OR56A4: variants seen among roughly 807,000 people sequenced by gnomAD.
The protein encoded by OR56A4 is olfactory receptor 56A4.
Under a neutral mutation model 13.6 loss-of-function variants are expected in OR56A4, and 9 were observed. That is an observed-to-expected ratio of 0.66 (90% CI 0.40 to 1.15). OR56A4 has a LOEUF of 1.15. OR56A4 is among the 50% of genes most tolerant of loss of function. The pLI, the probability that OR56A4 is intolerant of heterozygous loss-of-function variation, is 0.01. For missense variants in OR56A4, 380 were observed against 375.9 expected (o/e 1.01, Z -0.09); for synonymous variants, 167 against 153.9 (o/e 1.08, Z -0.63).
intron 2 of OR56A4, among the ~76,000 whole-genome samples, chr11:6,005,905 T>A (rs994280288): frequency 1.4e-4 from 22 of 152,290 alleles, no homozygotes; most frequent in Admixed American, 1.4e-3. Context: ...ATATGAATTT[T>A]CCGAGGACAC....
At position 6,002,197 on chromosome 11, in the gene OR56A4, G is replaced by T; in HGVS notation, c.796C>A (p.Leu266Met). The T allele has an allele frequency of 6.2e-7, 1 of 1,614,204 alleles. No homozygotes were observed. Among genetic ancestry groups the T allele is most frequent in the South Asian group, 1.1e-5 (1 of 91,070 alleles). ...TVLLVLVITNLARKRIPPDVP... is the reference protein window; with the variant it reads ...TVLLVLVITNMARKRIPPDVP... Reference sequence around the variant, plus strand: ...TCTGGAGGAATTCTCTTCCTGGCCAGGTTAGTGATGACCAGAACCAGCAGG... The same window carrying T: ...TCTGGAGGAATTCTCTTCCTGGCCATGTTAGTGATGACCAGAACCAGCAGG... Residue 266 changes from leucine (L) to methionine (M), a missense_variant, in exon 3 of 3, where the codon CTG (leucine) becomes ATG (methionine). Transcript: ENST00000641156.
chr11:6,000,704 A>C lies in OR56A4; in HGVS notation c.*1347T>G, dbSNP rs1170638592. 1 of 152,210 alleles carries C rather than the reference A, an allele frequency of 6.6e-6. No homozygotes were observed. The highest frequency in any genetic ancestry group is 1.5e-5 in the Non-Finnish European group (1 of 68,040). The allele number at this position is 152,210 out of a possible 1,614,324, so 9.4% of individuals were successfully genotyped here. A position where few individuals can be genotyped will look rare whatever the true frequency, so the allele number is the denominator to read the frequency against. ...AAGAAGGCTGATGTGAGAAGCATCAAATGATTGAAGAGAGAGAGCAAAATG... is the reference window on the plus strand; with the variant it reads ...AAGAAGGCTGATGTGAGAAGCATCACATGATTGAAGAGAGAGAGCAAAATG... On this transcript the variant is annotated 3_prime_UTR_variant, in exon 3 of 3. Transcript: ENST00000641156.
chr11:6,003,064 A>T lies in OR56A4; in HGVS notation c.-36-36T>A, dbSNP rs751003660. ...AGTAGAGAAGTACAGAAACATAAAA[A>T]GTACATTCTAGACGTAGTAGAGTGT... On this transcript the variant is annotated intron_variant, in intron 2 of 2. Coordinates refer to ENST00000641156, the MANE Select transcript of OR56A4 (RefSeq NM_001005179.4). 5 of 1,613,580 alleles carry T rather than the reference A, an allele frequency of 3.1e-6. No individual in the cohort carries two copies. In the South Asian group the frequency reaches 5.5e-5, roughly 18 times the overall value.
rs1848259125 is a variant in OR56A4, at chr11:6,006,348, T to C, written c.-136A>G. ...CTGAGAAATGAAGAATTGTTGACCA[T>C]CTGGGGCATTGTTTTCGATCTTCAG... On this transcript the variant is annotated 5_prime_UTR_variant, in exon 2 of 3. The change abolishes an upstream ATG in the 5' untranslated region. Transcript: ENST00000641156. 1 of 152,244 alleles carries C rather than the reference T, an allele frequency of 6.6e-6. No homozygotes were observed. Among genetic ancestry groups the C allele is most frequent in the African/African-American group, 2.4e-5 (1 of 41,462 alleles). The allele number at this position is 152,244 out of a possible 1,614,324, so 9.4% of individuals were successfully genotyped here.
At position 6,002,249 on chromosome 11, in the gene OR56A4, G is replaced by T. The variant is rs1848219068; in HGVS notation, c.744C>A (p.Phe248Leu). ...AKALSTCGSH[F>L]ILILFFSTVL... is the part of the protein sequence containing the mutation. ...CTGTGCTGAAGAAGAGGATGAGGATGAAGTGGGAACCACACGTGCTCAAGG... is the reference window on the plus strand; with the variant it reads ...CTGTGCTGAAGAAGAGGATGAGGATTAAGTGGGAACCACACGTGCTCAAGG... Residue 248 changes from phenylalanine (F) to leucine (L), a missense_variant, in exon 3 of 3, where the codon TTC becomes TTA. Phe to Leu is a conservative substitution (Grantham distance 22). Transcript: ENST00000641156. 6.2e-7 allele frequency: 1 copy of T among 1,614,138 alleles called. No individual in the cohort carries two copies.
chr11:5,999,888 C>A lies in OR56A4; in HGVS notation c.*2163G>T, dbSNP rs1172126214. On this transcript the variant is annotated 3_prime_UTR_variant, in exon 3 of 3. Coordinates refer to ENST00000641156, the MANE Select transcript of OR56A4 (RefSeq NM_001005179.4). Reference sequence around the variant, plus strand: ...CACACAAGATGCAAGAATAATGATTCCAGTCGGGAGGATCAGGGAAGGAAG... The same window carrying A: ...CACACAAGATGCAAGAATAATGATTACAGTCGGGAGGATCAGGGAAGGAAG... 2 of 152,138 alleles carry A rather than the reference C, an allele frequency of 1.3e-5. No individual in the cohort carries two copies. The highest frequency in any genetic ancestry group is 2.9e-5 in the Non-Finnish European group (2 of 68,026). 9.4% of individuals were successfully genotyped at this position (152,138 alleles called of 1,614,324 possible).
rs568022545 is a variant in OR56A4, at chr11:6,005,397, G to GT, written c.-37+851dup. 1.7e-3 allele frequency among the ~76,000 whole-genome samples: 258 copies of GT among 152,330 alleles called. 3 individuals are homozygous for GT. Among genetic ancestry groups the GT allele is most frequent in the Non-Finnish European group, 3.1e-3 (210 of 68,028 alleles). ...GGCATTAGGGGCTACTGCATCCCAA[G>GT]TTCTTTGGGGAAAAGGAGGCGGGAG... On this transcript the variant is annotated intron_variant, in intron 2 of 2. Coordinates refer to ENST00000641156, the MANE Select transcript of OR56A4 (RefSeq NM_001005179.4).
Position 6,000,610 on chromosome 11 carries a change from T to C in OR56A4, c.*1441A>G, listed in dbSNP as rs1848207202. Reference sequence around the variant, plus strand: ...CACATGTACTCTAAAACTTAAAACATAATAAAAAAATAAAAAATAAAAAAA... The same window carrying C: ...CACATGTACTCTAAAACTTAAAACACAATAAAAAAATAAAAAATAAAAAAA... On this transcript the variant is annotated 3_prime_UTR_variant, in exon 3 of 3. Transcript: ENST00000641156. 1 of 151,746 alleles carries C rather than the reference T, an allele frequency of 6.6e-6. No homozygotes were observed. The highest frequency in any genetic ancestry group is 2.1e-4 in the South Asian group (1 of 4,808). 9.4% of individuals were successfully genotyped at this position (151,746 alleles called of 1,614,324 possible).
chr11:6,004,159 C>A (rs982516836), intron 2 of OR56A4, among the ~76,000 whole-genome samples: 2 of 152,120 alleles, frequency 1.3e-5, no homozygotes, highest in Non-Finnish European at 2.9e-5. Context: ...CAAGACCAGC[C>A]TGGCCAACAT....
At chr11:6,005,756 AG>A (rs1316574021) in intron 2 of OR56A4, among the ~76,000 whole-genome samples, 1 of 152,184 alleles carries the variant, frequency 6.6e-6, no homozygotes, top group African/African-American at 2.4e-5. Flanking sequence ...ACATGGTGAA[AG>A]GGGCTAGCTA....
At position 6,002,773 on chromosome 11, in the gene OR56A4, T is replaced by C. The variant is rs375122835; in HGVS notation, c.220A>G (p.Ile74Val). ...YLLSLLSLLD[I>V]VLCLTVIPKV... is the part of the protein sequence containing the mutation. ...GGGATGACGGTGAGGCAGAGCACGA[T>C]GTCCAGCAGGGAGAGGAGGCTGAGC... The change falls in exon 3 of 3, where the codon ATC (isoleucine) becomes GTC (valine). Residue 74 changes from isoleucine to valine, a missense_variant. Physicochemically the swap from Ile to Val is conservative, Grantham distance 29. Coordinates refer to ENST00000641156, the MANE Select transcript of OR56A4 (RefSeq NM_001005179.4). The C allele has an allele frequency of 1.1e-5, 18 of 1,613,886 alleles. No individual in the cohort carries two copies. In the African/African-American group the frequency reaches 2.0e-4, roughly 18 times the overall value.
chr11:5,999,877 G>A lies in OR56A4; in HGVS notation c.*2174C>T, dbSNP rs1436922644. On this transcript the variant is annotated 3_prime_UTR_variant, in exon 3 of 3. Coordinates refer to ENST00000641156, the MANE Select transcript of OR56A4 (RefSeq NM_001005179.4). ...AGAAATACAGCCACACAAGATGCAA[G>A]AATAATGATTCCAGTCGGGAGGATC... The A allele has an allele frequency of 6.6e-6, 1 of 152,204 alleles. No individual in the cohort carries two copies. Among genetic ancestry groups the A allele is most frequent in the Non-Finnish European group, 1.5e-5 (1 of 68,028 alleles). 9.4% of individuals were successfully genotyped at this position (152,204 alleles called of 1,614,324 possible).
chr11:5,999,876 A>C lies in OR56A4; in HGVS notation c.*2175T>G, dbSNP rs1378754734. The C allele has an allele frequency of 2.6e-5, 4 of 152,258 alleles. No homozygotes were observed. Among genetic ancestry groups the C allele is most frequent in the Non-Finnish European group, 4.4e-5 (3 of 68,042 alleles). 9.4% of individuals were successfully genotyped at this position (152,258 alleles called of 1,614,324 possible). A position where few individuals can be genotyped will look rare whatever the true frequency, so the allele number is the denominator to read the frequency against. On this transcript the variant is annotated 3_prime_UTR_variant, in exon 3 of 3. Coordinates refer to ENST00000641156, the MANE Select transcript of OR56A4 (RefSeq NM_001005179.4). The stretch of plus-strand genomic sequence containing the variant: ...AAGAAATACAGCCACACAAGATGCA[A>C]GAATAATGATTCCAGTCGGGAGGAT...
In OR56A4 at chr11:6,001,070, G is replaced by A. The variant is rs190894929; in HGVS notation, c.*981C>T. On this transcript the variant is annotated 3_prime_UTR_variant, in exon 3 of 3. Transcript: ENST00000641156. ...ATTCCTTGGAGATACTGAACTGTGT[G>A]GCATCATTAAGAAGGAAATGCCAAA... 6 of 152,280 alleles carry A rather than the reference G, an allele frequency of 3.9e-5. No individual in the cohort carries two copies. The highest frequency in any genetic ancestry group is 9.6e-5 in the African/African-American group (4 of 41,558). The allele number at this position is 152,280 out of a possible 1,614,324, so 9.4% of individuals were successfully genotyped here.
In OR56A4 at chr11:6,002,269, T is replaced by C. The variant is rs746994693; in HGVS notation, c.724A>G (p.Ser242Gly). The C allele has an allele frequency of 1.2e-5, 19 of 1,614,076 alleles. No homozygotes were observed. In the East Asian group the frequency reaches 3.6e-4, roughly 30 times the overall value. ...KAEGAVAKALSTCGSHFILIL... is the reference protein window; with the variant it reads ...KAEGAVAKALGTCGSHFILIL... ...AGGATGAAGTGGGAACCACACGTGC[T>C]CAAGGCCTTGGCCACAGCACCCTCG... Residue 242 changes from serine (S) to glycine (G), a missense_variant, in exon 3 of 3, where the codon AGC becomes GGC. By Grantham distance (56) the Ser-to-Gly change is moderately conservative. Transcript: ENST00000641156.
rs4758066 is a variant in OR56A4, at chr11:6,001,561, C to G, written c.*490G>C. 39,020 of 153,084 alleles carry G rather than the reference C, an allele frequency of 0.25. 5,334 individuals are homozygous for G. The highest frequency in any genetic ancestry group is 0.48 in the South Asian group (2,298 of 4,830). 9.5% of individuals were successfully genotyped at this position (153,084 alleles called of 1,614,324 possible). On this transcript the variant is annotated 3_prime_UTR_variant, in exon 3 of 3. Coordinates refer to ENST00000641156, the MANE Select transcript of OR56A4 (RefSeq NM_001005179.4). The stretch of plus-strand genomic sequence containing the variant: ...GTCGGGGTATTCAGGGCAAGGCACT[C>G]AACCCCAAGTTGTTCCAGGGTGGAC...
At position 6,000,149 on chromosome 11, in the gene OR56A4, A is replaced by G. The variant is rs1017169310; in HGVS notation, c.*1902T>C. The G allele has an allele frequency of 4.6e-5, 7 of 152,252 alleles. No individual in the cohort carries two copies. The highest frequency in any genetic ancestry group is 1.7e-4 in the African/African-American group (7 of 41,462). The allele number at this position is 152,252 out of a possible 1,614,324, so 9.4% of individuals were successfully genotyped here. On this transcript the variant is annotated 3_prime_UTR_variant, in exon 3 of 3. Coordinates refer to ENST00000641156, the MANE Select transcript of OR56A4 (RefSeq NM_001005179.4). Reference sequence around the variant, plus strand: ...AAGGATTATAAATCATGCTGCTATAAAGACACATGCACATGTATGTTTATT... The same window carrying G: ...AAGGATTATAAATCATGCTGCTATAGAGACACATGCACATGTATGTTTATT...
At position 6,002,303 on chromosome 11, in the gene OR56A4, C is replaced by A. The variant is rs755575937; in HGVS notation, c.690G>T (p.Arg230Ser). The change falls in exon 3 of 3, where the codon AGG (arginine) becomes AGT (serine). Residue 230 changes from arginine (R) to serine (S), a missense_variant. By Grantham distance (110) the Arg-to-Ser change is moderately radical. Transcript: ENST00000641156. Reference protein sequence around the residue: ...SYSFILKVVLRIKAEGAVAKA... With the variant: ...SYSFILKVVLSIKAEGAVAKA... ...TGGCCACAGCACCCTCGGCCTTGAT[C>A]CTAAGCACAACTTTCAATATAAAAG... is the stretch of plus-strand genomic sequence containing the variant. 1.2e-5 allele frequency: 19 copies of A among 1,614,054 alleles called. No homozygotes were observed. The South Asian group carries it at 2.0e-4, about 17-fold the overall frequency.
Position 6,000,318 on chromosome 11 carries a change from A to G in OR56A4, c.*1733T>C, listed in dbSNP as rs1178501106. 2 of 152,230 alleles carry G rather than the reference A, an allele frequency of 1.3e-5. No individual in the cohort carries two copies. The highest frequency in any genetic ancestry group is 2.4e-5 in the African/African-American group (1 of 41,462). The allele number at this position is 152,230 out of a possible 1,614,324, so 9.4% of individuals were successfully genotyped here. ...ATGAGTTCATGTCCTTGGTAGGGACATGGATGAAGCTGGAAACCATCATTC... is the reference window on the plus strand; with the variant it reads ...ATGAGTTCATGTCCTTGGTAGGGACGTGGATGAAGCTGGAAACCATCATTC... On this transcript the variant is annotated 3_prime_UTR_variant, in exon 3 of 3. Transcript: ENST00000641156.
Sources: gnomAD v4.1 joint callset for allele counts (sites outside exome capture counted in the v4.1 genomes callset) on GRCh38, gnomAD v4.1.1 for gene constraint, MANE v1.5 for transcripts, NCBI Gene and HGNC (gene_info 2026-07-23, HGNC 2026-07-21) for gene names.